Variants in RPA1 observed in about 807,000 individuals in gnomAD.
RPA1 encodes replication protein A1, also known as replication protein A 70 kDa DNA-binding subunit.
In RPA1, 49 loss-of-function variants were observed where a neutral mutation model predicts 83.0. That is an observed-to-expected ratio of 0.59 (90% CI 0.47 to 0.75). The LOEUF (loss-of-function observed/expected upper bound fraction) is 0.75. Ranked by LOEUF, RPA1 falls within the 30% of genes least tolerant of loss-of-function variation. The pLI, the probability that RPA1 is intolerant of heterozygous loss-of-function variation, is 0.00. For missense variants in RPA1, 693 were observed against 776.1 expected, an observed-to-expected ratio of 0.89 and a Z score of 1.27; for synonymous variants, 279 against 281.8, an observed-to-expected ratio of 0.99 and a Z score of 0.10.
chr17:1,853,531 A>C (rs1912577824), intron 5 of RPA1, among the ~76,000 whole-genome samples: 1 of 152,192 alleles, frequency 6.6e-6, no homozygotes, highest in Admixed American at 6.5e-5. Context: ...AAAAATACAA[A>C]AAGTAGCTAG....
intron 1 of RPA1, among the ~76,000 whole-genome samples, chr17:1,834,158 C>A (rs565246132): frequency 6.6e-6 from 1 of 151,932 alleles, no homozygotes; most frequent in Non-Finnish European, 1.5e-5. Flanking sequence ...CCAGACTGGG[C>A]GACAGAGTGA....
intron 14 of RPA1, 38 bp from the exon 15 acceptor site, chr17:1,891,795 A>G: frequency 1.5e-6 from 2 of 1,324,350 alleles, no homozygotes; most frequent in Non-Finnish European, 2.1e-6. Flanking sequence ...TCTTTTTATT[A>G]TTTCTTTGCT....
At chr17:1,894,899 T>C in intron 15 of RPA1, 110 bp from the exon 16 acceptor site, 1 of 787,936 alleles carries the variant, frequency 1.3e-6, no homozygotes. Flanking sequence ...TCCTAAGTAA[T>C]TTGAAACTAC....
At chr17:1,852,480 C>G (rs1414247563) in intron 4 of RPA1, among the ~76,000 whole-genome samples, 1 of 152,170 alleles carries the variant, frequency 6.6e-6, no homozygotes, top group African/African-American at 2.4e-5. Flanking sequence ...GGACAAAGGC[C>G]TTGTGGCAAG....
intron 6 of RPA1, among the ~76,000 whole-genome samples, chr17:1,874,739 A>G (rs958791459): frequency 6.6e-6 from 1 of 152,138 alleles, no homozygotes; most frequent in East Asian, 1.9e-4. Context: ...ATCTCTCTCG[A>G]CTCCCCAGTT....
chr17:1,855,331 T>TTGTG lies in RPA1; in HGVS notation c.361+2174_361+2177dup, dbSNP rs141755840. Among the ~76,000 whole-genome samples, 17 of 68,302 alleles carry TTGTG rather than the reference T, an allele frequency of 2.5e-4. No individual in the cohort carries two copies. The East Asian group carries it at 4.4e-3, about 18-fold the overall frequency. 44.8% of individuals were successfully genotyped at this position (68,302 alleles called of 152,430 possible). A position where few individuals can be genotyped will look rare whatever the true frequency, so the allele number is the denominator to read the frequency against. On this transcript the variant is annotated intron_variant, in intron 5 of 16. Transcript: ENST00000254719. ...TGTATGACACCACACCCGGCTAAAA[T>TTGTG]TGTGTGTGTGTGTGTGTGTGTGTGT...
Position 1,891,866 on chromosome 17 carries a change from G to T in RPA1, c.1585G>T (p.Val529Leu). 1 of 1,605,198 alleles carries T rather than the reference G, an allele frequency of 6.2e-7. No homozygotes were observed. The highest frequency in any genetic ancestry group is 1.7e-5 in the Admixed American group (1 of 59,756). ...TGCAGATTTTCAAGAGAATCAGTGG[G>T]TGACTTGTTTCCAGGAGTCTGCTGA... The part of the protein sequence containing the change: ...NIADFQENQW[V>L]TCFQESAEAI... Residue 529 changes from valine (V) to leucine (L), a missense_variant, in exon 15 of 17, where the codon GTG becomes TTG. Coordinates refer to ENST00000254719, the MANE Select transcript of RPA1 (RefSeq NM_002945.5).
chr17:1,894,675 T>G (rs1914330349), intron 15 of RPA1, among the ~76,000 whole-genome samples: 1 of 152,208 alleles, frequency 6.6e-6, no homozygotes, highest in South Asian at 2.1e-4. Context: ...CCTTGTGTTT[T>G]CCAAGGATGG....
At position 1,888,840 on chromosome 17, in the gene RPA1, A is replaced by G. The variant is rs1567827394; in HGVS notation, c.1540A>G (p.Met514Val). 1.2e-6 allele frequency: 2 copies of G among 1,613,314 alleles called. No individual in the cohort carries two copies. The highest frequency in any genetic ancestry group is 1.7e-5 in the Admixed American group (1 of 60,016). The change falls in exon 14 of 17, where the codon ATG (methionine) becomes GTG (valine). Residue 514 changes from methionine (M) to valine (V), a missense_variant. Met to Val is a conservative substitution (Grantham distance 21). Transcript: ENST00000254719. ...DTEFPNFKYR[M>V]ILSVNIADFQ... The stretch of plus-strand genomic sequence containing the variant: ...CGAATTTCCCAATTTCAAGTACCGC[A>G]TGATCCTGTCAGTAAGTAGCCTCGG...
intron 5 of RPA1, among the ~76,000 whole-genome samples, chr17:1,855,918 G>A (rs1912675541): frequency 6.6e-6 from 1 of 152,038 alleles, no homozygotes; most frequent in Non-Finnish European, 1.5e-5. Context: ...GACTTTGGTA[G>A]ATTATGTGCT....
chr17:1,859,879 C>G (rs1912874960), intron 5 of RPA1, among the ~76,000 whole-genome samples: 1 of 152,206 alleles, frequency 6.6e-6, no homozygotes, highest in African/African-American at 2.4e-5. Flanking sequence ...GTGGCGTGAT[C>G]TCGGCTCACT....
intron 1 of RPA1, among the ~76,000 whole-genome samples, chr17:1,833,390 G>A (rs1911693377): frequency 6.6e-6 from 1 of 152,194 alleles, no homozygotes; most frequent in Admixed American, 6.5e-5. Context: ...ACAGGTGAAT[G>A]GGGAAGAAAG....
chr17:1,847,888 C>T (rs769549801), intron 4 of RPA1, among the ~76,000 whole-genome samples: 30 of 151,896 alleles, frequency 2.0e-4, no homozygotes, highest in South Asian at 4.2e-4. Flanking sequence ...GGCGTGGTGG[C>T]GGGTGCGGCC....
chr17:1,874,328 C>T (rs1814181552), intron 6 of RPA1, among the ~76,000 whole-genome samples: 1 of 151,904 alleles, frequency 6.6e-6, no homozygotes, highest in African/African-American at 2.4e-5. Flanking sequence ...TAGTGAGACC[C>T]GATCCCTCTA....
chr17:1,867,860 G>C (rs957883676), intron 5 of RPA1, among the ~76,000 whole-genome samples: 1 of 152,006 alleles, frequency 6.6e-6, no homozygotes, highest in African/African-American at 2.4e-5. Flanking sequence ...AGGAGGATCA[G>C]TTGCGCCCAG....
chr17:1,835,425 G>A (rs1239910098), intron 1 of RPA1, among the ~76,000 whole-genome samples: 2 of 151,898 alleles, frequency 1.3e-5, no homozygotes, highest in Non-Finnish European at 2.9e-5. Flanking sequence ...CCAAGTCTTT[G>A]GGATTATAGG....
intron 4 of RPA1, among the ~76,000 whole-genome samples, chr17:1,852,147 CTCA>C (rs1912518539): frequency 6.6e-6 from 1 of 152,170 alleles, no homozygotes; most frequent in Non-Finnish European, 1.5e-5. Flanking sequence ...TTGTGATATG[CTCA>C]TCAAGTATGT....
chr17:1,857,669 C>T (rs1912761616), intron 5 of RPA1, among the ~76,000 whole-genome samples: 1 of 145,014 alleles, frequency 6.9e-6, no homozygotes, highest in Non-Finnish European at 1.5e-5. Flanking sequence ...CCGGCCCGTC[C>T]CCAGGGCAGA....
chr17:1,846,003 T>C (rs1216879444), intron 4 of RPA1, among the ~76,000 whole-genome samples: 3 of 152,304 alleles, frequency 2.0e-5, no homozygotes, highest in African/African-American at 4.8e-5. Context: ...GTTTAAGTAA[T>C]TAGTTTTTTA....
Sources: gnomAD v4.1 joint callset for allele counts (sites outside exome capture counted in the v4.1 genomes callset) on GRCh38, gnomAD v4.1.1 for gene constraint, MANE v1.5 for transcripts, NCBI Gene and HGNC (gene_info 2026-07-23, HGNC 2026-07-21) for gene names.